Variants in KLHL29 observed in about 807,000 individuals in gnomAD.
KLHL29 encodes the protein kelch like family member 29, also known as kelch-like protein 29.
A neutral mutation model predicts 80.4 loss-of-function variants in KLHL29; 21 were observed. The ratio of observed to expected loss-of-function variants is 0.26; its 90% CI spans 0.19 to 0.38. The LOEUF (loss-of-function observed/expected upper bound fraction) is 0.38. Among genes scored for constraint, KLHL29 ranks in the 10% least tolerant of loss-of-function variants. The pLI, the probability that KLHL29 is intolerant of heterozygous loss-of-function variation, is 1.00. For synonymous variants in KLHL29, 511 were observed against 526.8 expected (o/e 0.97, Z 0.41); for missense variants, 867 against 1,223.9 (o/e 0.71, Z 4.35).
In KLHL29 at chr2:23,449,552, T is replaced by G. The variant is rs993813286; in HGVS notation, c.-153-26008T>G. On this transcript the variant is annotated intron_variant, in intron 1 of 13. Coordinates refer to ENST00000486442, the MANE Select transcript of KLHL29 (RefSeq NM_052920.2). ...CTGGCTGATCTCTCACTAAGTAGGC[T>G]GGTTTCTCATCCTCCAATAGTCCAG... 2.0e-4 allele frequency among the ~76,000 whole-genome samples: 30 copies of G among 152,168 alleles called. 1 individual carries two copies. The highest frequency in any genetic ancestry group is 5.9e-4 in the Admixed American group (9 of 15,278).
chr2:23,425,684 G>A lies in KLHL29; in HGVS notation c.-154+39904G>A, dbSNP rs77938488. ...AAGGAGCAGCCCTTGGCTGATCCCC[G>A]CTAAGCTGCTTTGCCAGCTTGCCTT... On this transcript the variant is annotated intron_variant, in intron 1 of 13. Transcript: ENST00000486442. Among the ~76,000 whole-genome samples, 180 of 152,344 alleles carry A rather than the reference G, an allele frequency of 1.2e-3. 2 individuals are homozygous for A. In the East Asian group the frequency reaches 0.033, roughly 28 times the overall value.
chr2:23,591,652 G>T (rs1368217014), intron 3 of KLHL29, among the ~76,000 whole-genome samples: 2 of 152,152 alleles, frequency 1.3e-5, no homozygotes, highest in East Asian at 1.9e-4. Context: ...TGCTGGCCAA[G>T]GTCCTCGCCC....
At chr2:23,454,607 C>T (rs1051411157) in intron 1 of KLHL29, among the ~76,000 whole-genome samples, 1 of 152,054 alleles carries the variant, frequency 6.6e-6, no homozygotes, top group Non-Finnish European at 1.5e-5. Flanking sequence ...GCAGTTATTT[C>T]GTCAGCTTTT....
At chr2:23,705,318 C>T (rs907318042) in intron 13 of KLHL29, among the ~76,000 whole-genome samples, 1 of 152,138 alleles carries the variant, frequency 6.6e-6, no homozygotes, top group Non-Finnish European at 1.5e-5. Context: ...TGGTGAAACC[C>T]CGTCTCTACT....
chr2:23,450,285 G>A (rs186628823), intron 1 of KLHL29, among the ~76,000 whole-genome samples: 47 of 152,296 alleles, frequency 3.1e-4, no homozygotes, highest in Non-Finnish European at 5.7e-4. Context: ...GTGCCGCCAG[G>A]CCGAGATGGT....
intron 1 of KLHL29, among the ~76,000 whole-genome samples, chr2:23,410,343 C>T (rs939734283): frequency 1.4e-5 from 2 of 148,026 alleles, no homozygotes; most frequent in Middle Eastern, 3.2e-3. Context: ...GTGGGGGGTT[C>T]GAGGGTGGGA....
chr2:23,576,131 G>A (rs1245330141), intron 3 of KLHL29, among the ~76,000 whole-genome samples: 2 of 152,006 alleles, frequency 1.3e-5, no homozygotes, highest in African/African-American at 2.4e-5. Context: ...ATAGTGAAAC[G>A]CCGTCTCTAG....
chr2:23,678,820 A>C (rs1670992818), intron 5 of KLHL29, among the ~76,000 whole-genome samples: 1 of 152,230 alleles, frequency 6.6e-6, no homozygotes, highest in African/African-American at 2.4e-5. Context: ...CACAGGACAA[A>C]TATTGCATAA....
At chr2:23,389,220 G>A (rs745364764) in intron 1 of KLHL29, among the ~76,000 whole-genome samples, 15 of 152,094 alleles carry the variant, frequency 9.9e-5, no homozygotes, top group Non-Finnish European at 2.1e-4. Context: ...TAGTAACATT[G>A]TAAGTCCACT....
chr2:23,543,847 G>C (rs1666913617), intron 2 of KLHL29, among the ~76,000 whole-genome samples: 1 of 152,152 alleles, frequency 6.6e-6, no homozygotes, highest in Non-Finnish European at 1.5e-5. Context: ...TCCAGATGCT[G>C]GTGCATTATG....
chr2:23,632,555 C>T (rs1053053943), intron 3 of KLHL29, among the ~76,000 whole-genome samples: 1 of 152,254 alleles, frequency 6.6e-6, no homozygotes, highest in Non-Finnish European at 1.5e-5. Flanking sequence ...GTGATGCCCC[C>T]CTCCTGGAGC....
chr2:23,442,074 C>T (rs1483464187), intron 1 of KLHL29, among the ~76,000 whole-genome samples: 1 of 152,022 alleles, frequency 6.6e-6, no homozygotes, highest in African/African-American at 2.4e-5. Context: ...ATGTGGTGGG[C>T]TCAGTGTAAT....
Position 23,461,017 on chromosome 2 carries a change from A to G in KLHL29, c.-153-14543A>G, listed in dbSNP as rs112533787. Among the ~76,000 whole-genome samples the G allele has an allele frequency of 9.4e-3, 1,432 of 152,330 alleles. 27 individuals carry two copies. Among genetic ancestry groups the G allele is most frequent in the African/African-American group, 0.033 (1,358 of 41,572 alleles). On this transcript the variant is annotated intron_variant, in intron 1 of 13. Coordinates refer to ENST00000486442, the MANE Select transcript of KLHL29 (RefSeq NM_052920.2). The stretch of plus-strand genomic sequence containing the variant: ...GCTGAGAGGCCACTAAAGGATTTCA[A>G]ATGAGAGGAAACCAGATTGGTGTCT...
intron 3 of KLHL29, among the ~76,000 whole-genome samples, chr2:23,578,191 A>G (rs1204815523): frequency 6.6e-6 from 1 of 151,978 alleles, no homozygotes; most frequent in East Asian, 1.9e-4. Flanking sequence ...TGCAGGTGAA[A>G]CCGTCAGTCG....
intron 3 of KLHL29, among the ~76,000 whole-genome samples, chr2:23,611,807 CT>C (rs562516376): frequency 5.2e-4 from 78 of 151,002 alleles, no homozygotes; most frequent in Admixed American, 1.6e-3. Context: ...AACTATATAT[CT>C]TTTTAAAAAC....
intron 1 of KLHL29, among the ~76,000 whole-genome samples, chr2:23,394,236 A>G (rs947728282): frequency 1.3e-5 from 2 of 152,234 alleles, no homozygotes; most frequent in African/African-American, 4.8e-5. Flanking sequence ...CACGTCTTCC[A>G]GCTTTAAGCA....
chr2:23,590,066 AC>A (rs1266651931), intron 3 of KLHL29, among the ~76,000 whole-genome samples: 1 of 152,206 alleles, frequency 6.6e-6, no homozygotes, highest in Non-Finnish European at 1.5e-5. Context: ...CAGTGTTCAG[AC>A]ACCTCACTTT....
At chr2:23,493,812 C>A (rs1051558961) in intron 2 of KLHL29, among the ~76,000 whole-genome samples, 1 of 152,156 alleles carries the variant, frequency 6.6e-6, no homozygotes, top group African/African-American at 2.4e-5. Context: ...ATGGAAAACA[C>A]ATTCTGGGTC....
intron 4 of KLHL29, among the ~76,000 whole-genome samples, chr2:23,640,271 C>T (rs1442966595): frequency 6.6e-6 from 1 of 152,178 alleles, no homozygotes; most frequent in East Asian, 1.9e-4. Context: ...TCTTGTCTTC[C>T]ACGTCATTAT....
Sources: gnomAD v4.1 joint callset for allele counts (sites outside exome capture counted in the v4.1 genomes callset) on GRCh38, gnomAD v4.1.1 for gene constraint, MANE v1.5 for transcripts, NCBI Gene and HGNC (gene_info 2026-07-23, HGNC 2026-07-21) for gene names.